The following CYP4B1 variants were observed in gnomAD, a reference collection of about 807,000 sequenced individuals.
CYP4B1 encodes cytochrome P450 4B1.
A neutral mutation model predicts 54.0 loss-of-function variants in CYP4B1; 45 were observed. That is an observed-to-expected ratio of 0.83 (90% confidence interval 0.66 to 1.07). The LOEUF is 1.07. Ranked by LOEUF, CYP4B1 falls within the 50% of genes least tolerant of loss-of-function variation. The probability of loss-of-function intolerance (pLI) is 0.00; values close to 1 mark genes in which losing one functional copy is unlikely to be tolerated. For synonymous variants in CYP4B1, 248 were observed against 247.5 expected, an observed-to-expected ratio of 1.00 and a Z score of -0.02; for missense variants, 656 against 655.4, an observed-to-expected ratio of 1.00 and a Z score of -0.01.
chr1:46,809,819 A>G (rs138602976), intron 1 of CYP4B1, among the ~76,000 whole-genome samples: 1 of 152,374 alleles, frequency 6.6e-6, no homozygotes, highest in African/African-American at 2.4e-5. Flanking sequence ...CAACTGTTAA[A>G]AATAGTAATG....
At chr1:46,812,862 C>T (rs1679168232) in intron 4 of CYP4B1, among the ~76,000 whole-genome samples, 2 of 152,216 alleles carry the variant, frequency 1.3e-5, no homozygotes, top group Admixed American at 1.3e-4. Context: ...CTTGTCTCCA[C>T]CAGGAGACCC....
At chr1:46,812,117 C>T (rs1008830506) in intron 3 of CYP4B1, 1 of 468,254 alleles carries the variant, frequency 2.1e-6, no homozygotes, top group Non-Finnish European at 4.2e-6. Context: ...AAGCTGTGGC[C>T]AGTCTCAGCA....
chr1:46,818,902 C>A lies in CYP4B1; in HGVS notation c.*88C>A. ...AGGCTGGGTGTGGAGGAGTTGGGGC[C>A]CCCTGCCTTCAGGAGGCTTGTAGTT... is the stretch of plus-strand genomic sequence containing the variant. On this transcript the variant is annotated 3_prime_UTR_variant, in exon 12 of 12. Transcript: ENST00000371923. The A allele has an allele frequency of 2.3e-6, 3 of 1,307,372 alleles. No homozygotes were observed. Among genetic ancestry groups the A allele is most frequent in the East Asian group, 2.3e-5 (1 of 42,624 alleles). The allele number at this position is 1,307,372 out of a possible 1,614,324, so 81.0% of individuals were successfully genotyped here.
At chr1:46,817,294 C>T (rs1304455679) in intron 9 of CYP4B1, 113 bp downstream of exon 9, 6 of 1,311,108 alleles carry the variant, frequency 4.6e-6, no homozygotes, top group Non-Finnish European at 5.3e-6. Context: ...GCTTTGCGTT[C>T]AGAGAGCCCT....
chr1:46,815,114 C>A lies in CYP4B1; in HGVS notation c.923C>A (p.Ala308Asp). 1 of 1,614,214 alleles carries A rather than the reference C, an allele frequency of 6.2e-7. No individual in the cohort carries two copies. Among genetic ancestry groups the A allele is most frequent in the Non-Finnish European group, 8.5e-7 (1 of 1,180,030 alleles). Residue 308 changes from alanine (A) to aspartate (D), a missense_variant, in exon 8 of 12, where the codon GCT becomes GAT. By Grantham distance (126) the Ala-to-Asp change is moderately radical. Coordinates refer to ENST00000371923, the MANE Select transcript of CYP4B1 (RefSeq NM_001099772.2). ...DIKLSDADLRAEVDTFMFEGH... is the reference protein window; with the variant it reads ...DIKLSDADLRDEVDTFMFEGH... ...AAACTGTCAGATGCAGACCTCCGGG[C>A]TGAAGTGGACACATTCATGTTTGAA...
chr1:46,807,668 GC>G (rs1678914216), intron 1 of CYP4B1, among the ~76,000 whole-genome samples: 2 of 152,340 alleles, frequency 1.3e-5, no homozygotes, highest in Admixed American at 1.3e-4. Context: ...AACTCTTACA[GC>G]CCTGTTGGGT....
At chr1:46,816,369 C>T (rs1266685294) in intron 8 of CYP4B1, among the ~76,000 whole-genome samples, 1 of 152,022 alleles carries the variant, frequency 6.6e-6, no homozygotes, top group Non-Finnish European at 1.5e-5. Context: ...TGAACACAAC[C>T]CGAGGCAGGG....
chr1:46,816,966 G>A, intron 8 of CYP4B1, 82 bp from the exon 9 acceptor site: 1 of 1,533,766 alleles, frequency 6.5e-7, no homozygotes, highest in Non-Finnish European at 8.9e-7. Context: ...TGGTGAGGGA[G>A]GAAAACTGGG....
Position 46,818,668 on chromosome 1 carries a change from A to C in CYP4B1, c.1393A>C (p.Lys465Gln). ...IGQQFAMSEM[K>Q]VVTAMCLLRF... ...GCAGCAGTTTGCCATGAGTGAGATG[A>C]AGGTGGTCACAGCCATGTGCTTGCT... The change falls in exon 12 of 12, where the codon AAG (lysine) becomes CAG (glutamine). Residue 465 changes from lysine (K) to glutamine (Q), a missense_variant. By Grantham distance (53) the Lys-to-Gln change is moderately conservative (BLOSUM62 1). Transcript: ENST00000371923. 5 of 1,614,188 alleles carry C rather than the reference A, an allele frequency of 3.1e-6. No individual in the cohort carries two copies. The highest frequency in any genetic ancestry group is 4.2e-6 in the Non-Finnish European group (5 of 1,180,022).
chr1:46,817,854 AG>A (rs1679397578), intron 9 of CYP4B1, 110 bp from the exon 10 acceptor site: 2 of 861,094 alleles, frequency 2.3e-6, no homozygotes, highest in Admixed American at 3.6e-5. Flanking sequence ...GGCAGTGGTC[AG>A]GCAGGAGCTG....
rs894432340 is a variant in CYP4B1, at chr1:46,816,395, T to A, written c.1074-653T>A. On this transcript the variant is annotated intron_variant, in intron 8 of 11. Coordinates refer to ENST00000371923, the MANE Select transcript of CYP4B1 (RefSeq NM_001099772.2). ...CGAGGCAGGGATTAGAATATTTATT[T>A]TATTTTCACGTCATTCCATCTAGAG... Among the ~76,000 whole-genome samples, 3 of 152,168 alleles carry A rather than the reference T, an allele frequency of 2.0e-5. No individual in the cohort carries two copies. In the East Asian group the frequency reaches 5.8e-4, roughly 29 times the overall value.
At chr1:46,814,385 C>G (rs547157011) in intron 7 of CYP4B1, 70 bp downstream of exon 7, 2 of 1,128,646 alleles carry the variant, frequency 1.8e-6, no homozygotes, top group Non-Finnish European at 2.6e-6. Flanking sequence ...CCTCCCAGGA[C>G]AGCAGAAGGA....
rs1337001837 is a variant in CYP4B1 at position 46,800,201 on chromosome 1, T to TTCTC, written c.180+943_180+944insCTCT. ...TTTCTTTCTCTTTCTTTCTTTCTCT[T>TTCTC]TCTTTCTTTCTTTCTCTTTCTCTCT... On this transcript the variant is annotated intron_variant, in intron 1 of 11. Transcript: ENST00000371923. Among the ~76,000 whole-genome samples, 34 of 27,698 alleles carry TTCTC rather than the reference T, an allele frequency of 1.2e-3. 2 individuals are homozygous for TTCTC. Among genetic ancestry groups the TTCTC allele is most frequent in the South Asian group, 5.7e-3 (3 of 526 alleles). The allele number at this position is 27,698 out of a possible 152,430, so 18.2% of individuals were successfully genotyped here. A position where few individuals can be genotyped will look rare whatever the true frequency, so the allele number is the denominator to read the frequency against.
intron 1 of CYP4B1, among the ~76,000 whole-genome samples, chr1:46,800,384 G>T (rs1678609308): frequency 6.7e-6 from 1 of 150,162 alleles, no homozygotes; most frequent in Non-Finnish European, 1.5e-5. Flanking sequence ...AGGCTGGGGT[G>T]CAGTGGCGCA....
intron 4 of CYP4B1, 64 bp from the exon 5 acceptor site, chr1:46,813,418 G>A: frequency 1.2e-6 from 2 of 1,609,074 alleles, no homozygotes; most frequent in Non-Finnish European, 1.7e-6. Flanking sequence ...GGCAGCTTGG[G>A]GCATCCAGCC....
rs1446618176 is a variant in CYP4B1, at chr1:46,818,079, G to A, written c.1272+50G>A. ...TCAGACAGGGTGGGGGACTGGGAGG[G>A]TCACCCTCTGCCAGAACCTGGCGAG... On this transcript the variant is annotated intron_variant, in intron 10 of 11. Transcript: ENST00000371923. 1.4e-5 allele frequency: 22 copies of A among 1,613,472 alleles called. No homozygotes were observed. In the Admixed American group the frequency reaches 2.8e-4, roughly 21 times the overall value.
At chr1:46,805,999 C>A (rs1479715242) in intron 1 of CYP4B1, among the ~76,000 whole-genome samples, 3 of 152,174 alleles carry the variant, frequency 2.0e-5, no homozygotes, top group Non-Finnish European at 4.4e-5. Context: ...GCAGTGGGAG[C>A]CTGTGTGGTC....
At chr1:46,813,695 A>C in intron 5 of CYP4B1, 89 bp downstream of exon 5, 1 of 1,569,310 alleles carries the variant, frequency 6.4e-7, no homozygotes, top group Non-Finnish European at 8.7e-7. Context: ...TGATCTGAGA[A>C]GAGATAGGGT....
rs1438238269 is a variant in CYP4B1 at position 46,800,238 on chromosome 1, T to TCTCC, written c.180+977_180+978insCTCC. 6.5e-3 allele frequency among the ~76,000 whole-genome samples: 277 copies of TCTCC among 42,432 alleles called. 39 individuals are homozygous for TCTCC. The highest frequency in any genetic ancestry group is 0.012 in the South Asian group (13 of 1,122). The allele number at this position is 42,432 out of a possible 152,430, so 27.8% of individuals were successfully genotyped here. On this transcript the variant is annotated intron_variant, in intron 1 of 11. Transcript: ENST00000371923. ...TTCTCTTTCTCTCTTTCTTTCTTTC[T>TCTCC]TTCCTTCCTTCCTTCCTTCCTTCCT...
Sources: allele counts gnomAD v4.1 joint callset (sites outside exome capture counted in the v4.1 genomes callset), GRCh38; gene constraint gnomAD v4.1.1; transcripts MANE v1.5; gene names NCBI Gene and HGNC (gene_info 2026-07-23, HGNC 2026-07-21).